WNK3: variants seen among roughly 807,000 people sequenced by gnomAD.
The protein encoded by WNK3 is WNK lysine deficient protein kinase 3.
In WNK3, 18 loss-of-function variants were observed where a neutral mutation model predicts 116.7. That is an observed-to-expected ratio of 0.15 (90% confidence interval 0.11 to 0.23). The LOEUF (loss-of-function observed/expected upper bound fraction) is 0.23, where lower values mean the gene tolerates loss of function less well. Ranked by LOEUF, WNK3 falls within the 10% of genes least tolerant of loss-of-function variation. WNK3 has a pLI of 1.00. For missense variants in WNK3, 993 were observed against 1,323.8 expected, an observed-to-expected ratio of 0.75 and a Z score of 3.88; for synonymous variants, 404 against 469.4, an observed-to-expected ratio of 0.86 and a Z score of 1.80.
intron 22 of WNK3, among the ~76,000 whole-genome samples, chrX:54,221,843 C>A (rs1300201600): frequency 2.8e-5 from 3 of 109,030 alleles, no homozygotes; most frequent in Non-Finnish European, 3.8e-5. Context: ...TAAAAAAAAA[C>A]CAACCAACCA....
At chrX:54,271,000 A>C (rs1304648676) in intron 10 of WNK3, among the ~76,000 whole-genome samples, 2 of 111,615 alleles carry the variant, frequency 1.8e-5, no homozygotes, top group African/African-American at 6.5e-5. Context: ...GCTGGTCTTG[A>C]ACTCCTGACC....
chrX:54,288,424 T>A (rs188542462), intron 10 of WNK3, among the ~76,000 whole-genome samples: 2 of 111,614 alleles, frequency 1.8e-5, no homozygotes, highest in East Asian at 5.6e-4. Context: ...CCTTCCTGAG[T>A]AGACAACTGA....
At chrX:54,216,250 C>A (rs1274153335) in intron 22 of WNK3, among the ~76,000 whole-genome samples, 1 of 107,031 alleles carries the variant, frequency 9.3e-6, no homozygotes, top group Non-Finnish European at 1.9e-5. Flanking sequence ...CTGCCAAATC[C>A]CCCTCTCCGA....
chrX:54,352,343 C>A (rs1343834631), intron 1 of WNK3, among the ~76,000 whole-genome samples: 2 of 111,587 alleles, frequency 1.8e-5, no homozygotes, highest in Non-Finnish European at 3.8e-5. Flanking sequence ...AAAATTGGTG[C>A]AACTGCTATG....
At chrX:54,338,658 G>C (rs1359268519) in intron 1 of WNK3, among the ~76,000 whole-genome samples, 1 of 109,524 alleles carries the variant, frequency 9.1e-6, no homozygotes, top group African/African-American at 3.3e-5. Context: ...GCAAGTACTG[G>C]TGCTCTGGTA....
chrX:54,314,279 C>T (rs1557170300), intron 2 of WNK3, among the ~76,000 whole-genome samples: 1 of 108,657 alleles, frequency 9.2e-6, no homozygotes, highest in Non-Finnish European at 1.9e-5. Context: ...TTTTCTTTAT[C>T]ACTGCTTTAA....
chrX:54,343,980 A>G (rs2069368891), intron 1 of WNK3, among the ~76,000 whole-genome samples: 1 of 111,389 alleles, frequency 9.0e-6, no homozygotes, highest in South Asian at 3.8e-4. Context: ...ACTTTTAAAG[A>G]TAATTCCATT....
At chrX:54,291,362 T>C (rs1281691421) in intron 10 of WNK3, among the ~76,000 whole-genome samples, 1 of 111,705 alleles carries the variant, frequency 9.0e-6, no homozygotes, top group Non-Finnish European at 1.9e-5. Flanking sequence ...GAAAAAACAA[T>C]AAGTTGTCTC....
exon 13 of WNK3, chrX:54,253,983 C>T (rs149522993): frequency 2.6e-5 from 31 of 1,204,236 alleles, no homozygotes; most frequent in Middle Eastern, 4.6e-4. Flanking sequence ...TATCCTCTGG[C>T]GCATCACCAT....
chrX:54,354,676 C>T (rs1387121554), intron 1 of WNK3, among the ~76,000 whole-genome samples: 6 of 110,292 alleles, frequency 5.4e-5, no homozygotes, highest in African/African-American at 9.9e-5. Context: ...ACATGTACCC[C>T]GGAACTTAAA....
chrX:54,226,094 C>CAAAAAAAA, intron 22 of WNK3, among the ~76,000 whole-genome samples: 1 of 11,997 alleles, frequency 8.3e-5, no homozygotes, highest in Non-Finnish European at 6.1e-4. Context: ...ATCCACATAC[C>CAAAAAAAA]CAAAAAAAAA....
At chrX:54,308,177 T>G in intron 4 of WNK3, 98 bp from the exon 5 acceptor site, 1 of 789,855 alleles carries the variant, frequency 1.3e-6, no homozygotes, top group African/African-American at 2.1e-5. Context: ...TGTTAATTTC[T>G]ACTCCCCCAA....
intron 10 of WNK3, among the ~76,000 whole-genome samples, chrX:54,288,563 C>A (rs1383132068): frequency 9.0e-6 from 1 of 111,128 alleles, no homozygotes; most frequent in Admixed American, 9.7e-5. Context: ...GGGGCTGGAT[C>A]TGTGCCTGTG....
intron 10 of WNK3, among the ~76,000 whole-genome samples, chrX:54,263,492 C>T (rs1227973147): frequency 8.9e-6 from 1 of 112,081 alleles, no homozygotes; most frequent in African/African-American, 3.2e-5. Context: ...ATATCTAACA[C>T]CACCCATAGT....
intron 2 of WNK3, 97 bp from the exon 3 acceptor site, chrX:54,311,388 G>T (rs1183892597): frequency 9.8e-6 from 6 of 615,371 alleles, no homozygotes; most frequent in Admixed American, 7.8e-5. Flanking sequence ...TATATGCATG[G>T]ATGTGTATAT....
exon 4 of WNK3, chrX:54,309,215 T>C (rs1557169251): frequency 2.5e-6 from 3 of 1,208,900 alleles, no homozygotes; most frequent in East Asian, 3.0e-5. Flanking sequence ...CGGTGAATAA[T>C]AGGAGGAGTC....
intron 10 of WNK3, among the ~76,000 whole-genome samples, chrX:54,263,723 A>G (rs782627896): frequency 9.0e-6 from 1 of 111,716 alleles, no homozygotes; most frequent in South Asian, 3.8e-4. Context: ...GCTCAAGCCT[A>G]TATGTATGCT....
At chrX:54,236,593 C>A (rs782660308) in intron 20 of WNK3, among the ~76,000 whole-genome samples, 2 of 111,228 alleles carry the variant, frequency 1.8e-5, no homozygotes, top group Non-Finnish European at 3.8e-5. Flanking sequence ...GAAGATGAAC[C>A]ACTATCTCTG....
At chrX:54,349,594 A>T (rs1310911446) in intron 1 of WNK3, among the ~76,000 whole-genome samples, 2 of 111,928 alleles carry the variant, frequency 1.8e-5, no homozygotes, top group African/African-American at 6.5e-5. Flanking sequence ...TCCCAAAGAG[A>T]TGTTTTTGTC....
Sources: gnomAD v4.1 joint callset for allele counts (sites outside exome capture counted in the v4.1 genomes callset) on GRCh38, gnomAD v4.1.1 for gene constraint, MANE v1.5 for transcripts, NCBI Gene and HGNC (gene_info 2026-07-23, HGNC 2026-07-21) for gene names.